SFT2D2: variants seen among roughly 807,000 people sequenced by gnomAD.
SFT2D2 encodes SFT2 domain containing 2, also known as vesicle transport protein SFT2B.
SFT2D2 carries 21 observed loss-of-function variants against 27.4 expected under a neutral mutation model. That is an observed-to-expected ratio of 0.77 (90% CI 0.54 to 1.10). The LOEUF is 1.10. Ranked by LOEUF, SFT2D2 falls within the 50% of genes least tolerant of loss-of-function variation. SFT2D2 has a pLI of 0.00. For synonymous variants in SFT2D2, 72 were observed against 71.7 expected (o/e 1.00, Z -0.02); for missense variants, 187 against 194.2 (o/e 0.96, Z 0.22).
chr1:168,244,752 C>T lies in SFT2D2; in HGVS notation c.*2212C>T, dbSNP rs1038635385. 7.2e-5 allele frequency: 11 copies of T among 152,166 alleles called. No individual in the cohort carries two copies. The highest frequency in any genetic ancestry group is 2.7e-4 in the African/African-American group (11 of 41,424). 9.4% of individuals were successfully genotyped at this position (152,166 alleles called of 1,614,324 possible). The stretch of plus-strand genomic sequence containing the variant: ...GTCAGGAGGGCTCATGGTTCCTTTT[C>T]TTTAGAACTGATACGAGGCTTGGCT... On this transcript the variant is annotated 3_prime_UTR_variant, in exon 8 of 8. Transcript: ENST00000271375.
In SFT2D2 at chr1:168,246,384, A is replaced by T. The variant is rs1320800704; in HGVS notation, c.*3844A>T. The T allele has an allele frequency of 3.1e-6, 2 of 640,922 alleles. No individual in the cohort carries two copies. The highest frequency in any genetic ancestry group is 3.5e-5 in the Admixed American group (1 of 28,850). The allele number at this position is 640,922 out of a possible 1,614,324, so 39.7% of individuals were successfully genotyped here. On this transcript the variant is annotated 3_prime_UTR_variant, in exon 8 of 8. Transcript: ENST00000271375. ...TACTTGCTTTTCTGTGCATTTTTCT[A>T]CTTTATCTTGGCCACTTGTGTACAT...
chr1:168,247,246 A>T lies in SFT2D2; in HGVS notation c.*4706A>T, dbSNP rs1313948790. 1.1e-5 allele frequency: 3 copies of T among 267,650 alleles called. No individual in the cohort carries two copies. Among genetic ancestry groups the T allele is most frequent in the Non-Finnish European group, 2.2e-5 (3 of 139,368 alleles). 16.6% of individuals were successfully genotyped at this position (267,650 alleles called of 1,614,324 possible). On this transcript the variant is annotated 3_prime_UTR_variant, in exon 8 of 8. Transcript: ENST00000271375. ...CTGGAAATACTTCTTTTTTTAAATT[A>T]TACTTTAAGTTCTGGGGTACATGTG...
In SFT2D2 at chr1:168,243,503, A is replaced by T. The variant is rs553543443; in HGVS notation, c.*963A>T. ...AGGAAGTAGGCACGCCTGCCCAGTG[A>T]CCTTTAAATAGTCCCAGTGTTTGCA... On this transcript the variant is annotated 3_prime_UTR_variant, in exon 8 of 8. Transcript: ENST00000271375. The T allele has an allele frequency of 6.6e-6, 1 of 152,304 alleles. No homozygotes were observed. Among genetic ancestry groups the T allele is most frequent in the South Asian group, 2.1e-4 (1 of 4,824 alleles). The allele number at this position is 152,304 out of a possible 1,614,324, so 9.4% of individuals were successfully genotyped here. A position where few individuals can be genotyped will look rare whatever the true frequency, so the allele number is the denominator to read the frequency against.
At chr1:168,240,897 G>A (rs1222911968) in intron 7 of SFT2D2, among the ~76,000 whole-genome samples, 1 of 152,142 alleles carries the variant, frequency 6.6e-6, no homozygotes, top group African/African-American at 2.4e-5. Flanking sequence ...GGGCAACAGA[G>A]GGAGACTCTG....
chr1:168,235,083 C>CGT lies in SFT2D2; in HGVS notation c.237-13_237-12dup. 6.2e-7 allele frequency: 1 copy of CGT among 1,612,384 alleles called. No individual in the cohort carries two copies. The highest frequency in any genetic ancestry group is 1.3e-5 in the African/African-American group (1 of 74,744). ...AGTTCTGTTCTGAACGGCTTGTGTG[C>CGT]GTGTGTTTGCCTTTTAGTACCATCT... On this transcript the variant is annotated splice_polypyrimidine_tract_variant and intron_variant, in intron 3 of 7. Coordinates refer to ENST00000271375, the MANE Select transcript of SFT2D2 (RefSeq NM_199344.3).
At chr1:168,232,290 G>A (rs2102329172) in intron 3 of SFT2D2, among the ~76,000 whole-genome samples, 1 of 152,294 alleles carries the variant, frequency 6.6e-6, no homozygotes, top group Non-Finnish European at 1.5e-5. Context: ...AAGGGAAACT[G>A]GTTTTTATTT....
At chr1:168,227,960 C>T (rs1012431219) in intron 1 of SFT2D2, among the ~76,000 whole-genome samples, 2 of 152,168 alleles carry the variant, frequency 1.3e-5, no homozygotes, top group Admixed American at 6.5e-5. Context: ...AAATGGTGAA[C>T]GTCTGTGTTG....
chr1:168,239,043 G>C, intron 6 of SFT2D2, 88 bp from the exon 7 acceptor site: 1 of 981,082 alleles, frequency 1.0e-6, no homozygotes, highest in South Asian at 1.3e-5. Context: ...ATCACTGCAG[G>C]TATTCTTACA....
chr1:168,237,155 G>A (rs1347408452), intron 6 of SFT2D2, among the ~76,000 whole-genome samples: 1 of 152,166 alleles, frequency 6.6e-6, no homozygotes, highest in Non-Finnish European at 1.5e-5. Context: ...TAACAAAAAA[G>A]GAAAGTGGTA....
chr1:168,229,453 G>T (rs538065207), intron 1 of SFT2D2: 1 of 152,220 alleles, frequency 6.6e-6, no homozygotes, highest in African/African-American at 2.4e-5. Context: ...AAAATTATCC[G>T]TGTTGATGCC....
rs2280988 is a variant in SFT2D2, at chr1:168,243,471, A to G, written c.*931A>G. 103,994 of 152,078 alleles carry G rather than the reference A, an allele frequency of 0.68. 35,677 individuals carry two copies. The highest frequency in any genetic ancestry group is 0.72 in the Non-Finnish European group (48,805 of 67,996). 9.4% of individuals were successfully genotyped at this position (152,078 alleles called of 1,614,324 possible). A position where few individuals can be genotyped will look rare whatever the true frequency, so the allele number is the denominator to read the frequency against. On this transcript the variant is annotated 3_prime_UTR_variant, in exon 8 of 8. Coordinates refer to ENST00000271375, the MANE Select transcript of SFT2D2 (RefSeq NM_199344.3). The stretch of plus-strand genomic sequence containing the variant: ...GTGGGAAGACAGATCCCTGCTGTGC[A>G]GCCAGCAGGAAGTAGGCACGCCTGC...
At chr1:168,237,640 C>T (rs1393223949) in intron 6 of SFT2D2, among the ~76,000 whole-genome samples, 2 of 152,170 alleles carry the variant, frequency 1.3e-5, no homozygotes, top group African/African-American at 4.8e-5. Context: ...TTTTAAAGTT[C>T]TGAAGAATTG....
intron 7 of SFT2D2, among the ~76,000 whole-genome samples, chr1:168,240,576 A>G (rs1427826586): frequency 1.3e-5 from 2 of 152,138 alleles, no homozygotes; most frequent in Non-Finnish European, 2.9e-5. Flanking sequence ...AACCAGCTGC[A>G]TAGTTTTCAG....
rs890628501 is a variant in SFT2D2 at position 168,247,200 on chromosome 1, T to C, written c.*4660T>C. Reference sequence around the variant, plus strand: ...TACATAAATAAACTGCATTTTTAATTTTCTTTTTTTATATGAGATTCTGGA... The same window carrying C: ...TACATAAATAAACTGCATTTTTAATCTTCTTTTTTTATATGAGATTCTGGA... On this transcript the variant is annotated 3_prime_UTR_variant, in exon 8 of 8. Coordinates refer to ENST00000271375, the MANE Select transcript of SFT2D2 (RefSeq NM_199344.3). 7.5e-6 allele frequency: 2 copies of C among 267,788 alleles called. No homozygotes were observed. The highest frequency in any genetic ancestry group is 5.2e-5 in the Admixed American group (1 of 19,170). 16.6% of individuals were successfully genotyped at this position (267,788 alleles called of 1,614,324 possible).
chr1:168,242,571 G>T lies in SFT2D2; in HGVS notation c.*31G>T. ...GGCCAGTTTTATGAAGCTTTGGAAG[G>T]CACTATGGACAGAAGCTGGTGGACA... On this transcript the variant is annotated 3_prime_UTR_variant, in exon 8 of 8. Coordinates refer to ENST00000271375, the MANE Select transcript of SFT2D2 (RefSeq NM_199344.3). 6.2e-7 allele frequency: 1 copy of T among 1,613,948 alleles called. No individual in the cohort carries two copies. Among genetic ancestry groups the T allele is most frequent in the Non-Finnish European group, 8.5e-7 (1 of 1,179,804 alleles).
chr1:168,235,689 T>G (rs1206758556), intron 4 of SFT2D2, among the ~76,000 whole-genome samples: 1 of 152,236 alleles, frequency 6.6e-6, no homozygotes, highest in African/African-American at 2.4e-5. Flanking sequence ...TACCCTGCTC[T>G]GACAACATTG....
At position 168,230,656 on chromosome 1, in the gene SFT2D2, G is replaced by T. The variant is rs184156052; in HGVS notation, c.64-858G>T. On this transcript the variant is annotated intron_variant, in intron 1 of 7. Coordinates refer to ENST00000271375, the MANE Select transcript of SFT2D2 (RefSeq NM_199344.3). ...ACCTGGCTAATTTTTTGTATTTTTA[G>T]TAGAGACAAGGTTTCGCCATGTTGG... Among the ~76,000 whole-genome samples the T allele has an allele frequency of 8.5e-5, 13 of 152,228 alleles. No homozygotes were observed. In the East Asian group the frequency reaches 2.5e-3, roughly 29 times the overall value.
Position 168,246,338 on chromosome 1 carries a change from T to C in SFT2D2, c.*3798T>C. 3 of 465,146 alleles carry C rather than the reference T, an allele frequency of 6.4e-6. No individual in the cohort carries two copies. Among genetic ancestry groups the C allele is most frequent in the South Asian group, 6.2e-5 (3 of 48,230 alleles). 28.8% of individuals were successfully genotyped at this position (465,146 alleles called of 1,614,324 possible). On this transcript the variant is annotated 3_prime_UTR_variant, in exon 8 of 8. Transcript: ENST00000271375. The stretch of plus-strand genomic sequence containing the variant: ...GTTGCTGTTGAAGCAACATATTTTG[T>C]CTTCGTAGTTGACATAATCTTACTT...
At chr1:168,232,373 A>C (rs1647349942) in intron 3 of SFT2D2, among the ~76,000 whole-genome samples, 1 of 152,228 alleles carries the variant, frequency 6.6e-6, no homozygotes, top group South Asian at 2.1e-4. Context: ...GGAGGTGGGC[A>C]GCCCATTCTG....
Sources: allele counts gnomAD v4.1 joint callset (sites outside exome capture counted in the v4.1 genomes callset), GRCh38; gene constraint gnomAD v4.1.1; transcripts MANE v1.5; gene names NCBI Gene and HGNC (gene_info 2026-07-23, HGNC 2026-07-21).